The following SLC8A1 variants were observed in gnomAD, a reference collection of about 807,000 sequenced individuals.
The protein encoded by SLC8A1 is solute carrier family 8 member A1.
In SLC8A1, 18 loss-of-function variants were observed where a neutral mutation model predicts 68.3. The ratio of observed to expected loss-of-function variants is 0.26; its 90% CI spans 0.18 to 0.39. The LOEUF (loss-of-function observed/expected upper bound fraction) is 0.39, where lower values mean the gene tolerates loss of function less well. Among genes scored for constraint, SLC8A1 ranks in the 10% least tolerant of loss-of-function variants. The pLI, the probability that SLC8A1 is intolerant of heterozygous loss-of-function variation, is 1.00. For synonymous variants in SLC8A1, 475 were observed against 415.5 expected, an observed-to-expected ratio of 1.14 and a Z score of -1.74; for missense variants, 985 against 1,156.7, an observed-to-expected ratio of 0.85 and a Z score of 2.15.
intron 2 of SLC8A1, among the ~76,000 whole-genome samples, chr2:40,182,450 A>C (rs2049787156): frequency 6.6e-6 from 1 of 152,196 alleles, no homozygotes; most frequent in Non-Finnish European, 1.5e-5. Context: ...ATATGGCCAA[A>C]ATTTTTATGG....
chr2:40,337,038 C>G (rs1278329394), intron 2 of SLC8A1, among the ~76,000 whole-genome samples: 1 of 152,118 alleles, frequency 6.6e-6, no homozygotes, highest in Non-Finnish European at 1.5e-5. Flanking sequence ...CTTTGTAATG[C>G]ACTTCTAGAA....
At chr2:40,242,969 G>A (rs1370403205) in intron 2 of SLC8A1, among the ~76,000 whole-genome samples, 2 of 152,094 alleles carry the variant, frequency 1.3e-5, no homozygotes, top group African/African-American at 2.4e-5. Context: ...TCCTAAATCT[G>A]AGATCATTGC....
At position 40,285,606 on chromosome 2, in the gene SLC8A1, TG is replaced by T. The variant is rs1203212664; in HGVS notation, c.1809-107752del. 2.6e-5 allele frequency among the ~76,000 whole-genome samples: 4 copies of T among 152,292 alleles called. No individual in the cohort carries two copies. In the East Asian group the frequency reaches 5.8e-4, roughly 22 times the overall value. On this transcript the variant is annotated intron_variant, in intron 2 of 7. Transcript: ENST00000406785. ...CAGACAGACAAGAAGAAGATAGCAG[TG>T]TTTACACATGAGATAATTTGGCTTT...
intron 2 of SLC8A1, among the ~76,000 whole-genome samples, chr2:40,332,062 A>G (rs1358761545): frequency 2.6e-5 from 4 of 151,970 alleles, no homozygotes; most frequent in Non-Finnish European, 5.9e-5. Context: ...TGATCCTCCC[A>G]CCTCAGCCTC....
At chr2:40,479,763 G>T (rs957470208) in intron 1 of SLC8A1, among the ~76,000 whole-genome samples, 5 of 152,084 alleles carry the variant, frequency 3.3e-5, no homozygotes, top group Admixed American at 3.3e-4. Flanking sequence ...AACATTCCTG[G>T]ATTTGTGAAA....
chr2:40,296,925 G>C (rs2070502672), intron 2 of SLC8A1, among the ~76,000 whole-genome samples: 1 of 152,140 alleles, frequency 6.6e-6, no homozygotes, highest in East Asian at 1.9e-4. Flanking sequence ...ACTCCCTCTA[G>C]ACCAGGCTGA....
At chr2:40,203,016 C>T (rs531369701) in intron 2 of SLC8A1, among the ~76,000 whole-genome samples, 9 of 152,068 alleles carry the variant, frequency 5.9e-5, no homozygotes, top group South Asian at 2.1e-4. Context: ...ACTCTACAGC[C>T]ATGCTAGGCT....
chr2:40,488,920 A>T (rs1186738190), intron 1 of SLC8A1, among the ~76,000 whole-genome samples: 1 of 152,166 alleles, frequency 6.6e-6, no homozygotes, highest in African/African-American at 2.4e-5. Context: ...ACATGAAACT[A>T]CATACCTGGG....
In SLC8A1 at chr2:40,203,920, T is replaced by G. The variant is rs528832308; in HGVS notation, c.1809-26065A>C. 5.3e-5 allele frequency among the ~76,000 whole-genome samples: 8 copies of G among 152,076 alleles called. No homozygotes were observed. The South Asian group carries it at 1.2e-3, about 24-fold the overall frequency. On this transcript the variant is annotated intron_variant, in intron 2 of 7. Coordinates refer to ENST00000406785, the Ensembl canonical transcript of SLC8A1. ...TTGTAGAGATGAGGTTTCACTATGT[T>G]ACTCAAGCTGGTCTCAAACTCTTGG...
At chr2:40,215,181 C>G (rs764454645) in intron 2 of SLC8A1, among the ~76,000 whole-genome samples, 4 of 151,950 alleles carry the variant, frequency 2.6e-5, no homozygotes, top group Admixed American at 6.6e-5. Context: ...ATATTATTAT[C>G]TTTAGAGATA....
chr2:40,391,085 G>C lies in SLC8A1; in HGVS notation c.1808+37388C>G, dbSNP rs138869151. Among the ~76,000 whole-genome samples, 1,052 of 151,304 alleles carry C rather than the reference G, an allele frequency of 7.0e-3. 15 individuals are homozygous for C. The highest frequency in any genetic ancestry group is 0.024 in the African/African-American group (980 of 41,300). On this transcript the variant is annotated intron_variant, in intron 2 of 7. Coordinates refer to ENST00000406785, the Ensembl canonical transcript of SLC8A1. Reference sequence around the variant, plus strand: ...GATTTTTTCTAACTTGAAAAATATTGCTCTTAAAGTATGCTTCTCTACTAA... The same window carrying C: ...GATTTTTTCTAACTTGAAAAATATTCCTCTTAAAGTATGCTTCTCTACTAA...
In SLC8A1 at chr2:40,430,216, G is replaced by A. The variant is rs143231281; in HGVS notation, c.65C>T (p.Thr22Ile). The change falls in exon 2 of 8, where the codon ACT (threonine) becomes ATT (isoleucine). Residue 22 changes from threonine to isoleucine, a missense_variant. Coordinates refer to ENST00000406785, the Ensembl canonical transcript of SLC8A1. ...CACATGGGAAAATAAGAGACTCACA[G>A]TAACTAACAGATGAAATCCCATTGA... The A allele has an allele frequency of 1.8e-4, 291 of 1,613,586 alleles. 1 individual carries two copies. The African/African-American group carries it at 3.5e-3, about 19-fold the overall frequency.
intron 1 of SLC8A1, among the ~76,000 whole-genome samples, chr2:40,492,064 G>C (rs1166070633): frequency 6.6e-6 from 1 of 152,090 alleles, no homozygotes; most frequent in Non-Finnish European, 1.5e-5. Context: ...GAACAAAGCT[G>C]CAGGCATCAC....
chr2:40,168,842 C>T (rs7558770), intron 4 of SLC8A1, among the ~76,000 whole-genome samples: 68,020 of 151,988 alleles, frequency 0.45, 17,887 homozygotes, highest in Non-Finnish European at 0.61. Flanking sequence ...TAAAATTCAC[C>T]ATATTTTATT....
intron 2 of SLC8A1, among the ~76,000 whole-genome samples, chr2:40,224,663 G>C (rs1053829805): frequency 2.0e-5 from 3 of 152,072 alleles, no homozygotes; most frequent in Non-Finnish European, 4.4e-5. Flanking sequence ...AGCTAGGCAA[G>C]TGATATTTTT....
At chr2:40,212,568 C>A (rs1183701239) in intron 2 of SLC8A1, among the ~76,000 whole-genome samples, 2 of 152,084 alleles carry the variant, frequency 1.3e-5, no homozygotes, top group Non-Finnish European at 2.9e-5. Flanking sequence ...CAGATGTGAG[C>A]CACCATGCCT....
chr2:40,337,313 C>T, intron 2 of SLC8A1: 1 of 351,406 alleles, frequency 2.8e-6, no homozygotes, highest in Non-Finnish European at 6.4e-6. Context: ...TCATCATAAA[C>T]AGTGATATTG....
At chr2:40,506,941 T>G (rs1706407304) in intron 1 of SLC8A1, among the ~76,000 whole-genome samples, 1 of 151,908 alleles carries the variant, frequency 6.6e-6, no homozygotes, top group Admixed American at 6.6e-5. Context: ...TTTACAAAAG[T>G]ACAACTGAGC....
At chr2:40,175,180 C>G (rs1431743394) in intron 3 of SLC8A1, 81 bp downstream of exon 4, 1 of 1,376,202 alleles carries the variant, frequency 7.3e-7, no homozygotes, top group Admixed American at 1.8e-5. Flanking sequence ...AAATAAAAGT[C>G]ACAGAGCTAC....
Sources: allele counts gnomAD v4.1 joint callset (sites outside exome capture counted in the v4.1 genomes callset), GRCh38; gene constraint gnomAD v4.1.1; transcripts MANE v1.5; gene names NCBI Gene and HGNC (gene_info 2026-07-23, HGNC 2026-07-21).